GRID2: variants seen among roughly 807,000 people sequenced by gnomAD.
GRID2 encodes glutamate ionotropic receptor delta type subunit 2.
In GRID2, 33 loss-of-function variants were observed where a neutral mutation model predicts 114.8. The observed-to-expected ratio is 0.29, with a 90% confidence interval of 0.22 to 0.38. The LOEUF is 0.38. GRID2 is among the 10% of genes least tolerant of loss of function. GRID2 has a pLI of 1.00. For missense variants in GRID2, 1,184 were observed against 1,257.7 expected, an observed-to-expected ratio of 0.94 and a Z score of 0.89; for synonymous variants, 505 against 449.9, an observed-to-expected ratio of 1.12 and a Z score of -1.55.
intron 1 of GRID2, among the ~76,000 whole-genome samples, chr4:92,326,442 T>C (rs1238909796): frequency 6.6e-6 from 1 of 151,898 alleles, no homozygotes; most frequent in Non-Finnish European, 1.5e-5. Flanking sequence ...GCCACTATCA[T>C]GAATGTAATA....
intron 1 of GRID2, among the ~76,000 whole-genome samples, chr4:93,792,978 A>G (rs1734725211): frequency 6.6e-6 from 1 of 152,218 alleles, no homozygotes; most frequent in Admixed American, 6.5e-5. Context: ...AAACTGTGAA[A>G]CAATGTACAT....
intron 4 of GRID2, among the ~76,000 whole-genome samples, chr4:93,155,065 G>T (rs1331940303): frequency 6.6e-6 from 1 of 151,876 alleles, no homozygotes; most frequent in Non-Finnish European, 1.5e-5. Context: ...TGGTCTAGTG[G>T]TTAGGATTCG....
At chr4:93,664,743 C>T (rs1371358) in intron 14 of GRID2, among the ~76,000 whole-genome samples, 2 of 151,962 alleles carry the variant, frequency 1.3e-5, no homozygotes, top group Non-Finnish European at 2.9e-5. Context: ...TTTGCTTTGC[C>T]GTTTATTAGC....
intron 14 of GRID2, among the ~76,000 whole-genome samples, chr4:93,737,698 G>A (rs945880890): frequency 3.9e-5 from 6 of 151,924 alleles, no homozygotes; most frequent in Admixed American, 6.6e-5. Flanking sequence ...CCCTCATATC[G>A]AAAGATTCCA....
At chr4:92,826,125 T>C (rs1351803946) in intron 2 of GRID2, among the ~76,000 whole-genome samples, 1 of 152,124 alleles carries the variant, frequency 6.6e-6, no homozygotes, top group Non-Finnish European at 1.5e-5. Context: ...AGAAATCCTA[T>C]GTAATCTGCC....
intron 14 of GRID2, among the ~76,000 whole-genome samples, chr4:93,689,634 T>C (rs536649617): frequency 6.6e-6 from 1 of 151,752 alleles, no homozygotes; most frequent in Non-Finnish European, 1.5e-5. Flanking sequence ...CAAAAAAAAA[T>C]TACCCTATGT....
At chr4:93,442,539 C>A (rs189953272) in intron 10 of GRID2, among the ~76,000 whole-genome samples, 17 of 151,994 alleles carry the variant, frequency 1.1e-4, no homozygotes, top group African/African-American at 4.1e-4. Flanking sequence ...TTGGAGAATA[C>A]ATAAAGTATA....
At chr4:93,703,764 A>T (rs868582890) in intron 14 of GRID2, among the ~76,000 whole-genome samples, 92 of 150,156 alleles carry the variant, frequency 6.1e-4, no homozygotes, top group Middle Eastern at 3.5e-3. Context: ...TTTGTCCTTG[A>T]GATAGTTTGC....
At chr4:92,632,108 A>C (rs1440515551) in intron 2 of GRID2, among the ~76,000 whole-genome samples, 2 of 152,154 alleles carry the variant, frequency 1.3e-5, no homozygotes. Context: ...ACTATTTCAA[A>C]GGTCATTTAA....
chr4:93,326,672 G>A (rs1447088786), intron 8 of GRID2, among the ~76,000 whole-genome samples: 1 of 151,572 alleles, frequency 6.6e-6, no homozygotes, highest in Non-Finnish European at 1.5e-5. Flanking sequence ...TCTATTGTTT[G>A]TATTACACCT....
intron 13 of GRID2, among the ~76,000 whole-genome samples, chr4:93,586,468 A>G (rs1737549502): frequency 6.6e-6 from 1 of 152,152 alleles, no homozygotes; most frequent in African/African-American, 2.4e-5. Flanking sequence ...AGCTTGCCCT[A>G]GCTTTCAGCC....
At chr4:93,393,719 T>C (rs965477254) in intron 8 of GRID2, among the ~76,000 whole-genome samples, 1 of 151,984 alleles carries the variant, frequency 6.6e-6, no homozygotes, top group African/African-American at 2.4e-5. Flanking sequence ...AACAAATGGC[T>C]CAGGTTTCAC....
intron 14 of GRID2, among the ~76,000 whole-genome samples, chr4:93,695,393 G>C (rs1726934385): frequency 6.6e-6 from 1 of 152,150 alleles, no homozygotes; most frequent in Admixed American, 6.5e-5. Context: ...ATGTTAAGAC[G>C]TGTAGAACCA....
chr4:92,418,844 A>G (rs1731750188), intron 1 of GRID2, among the ~76,000 whole-genome samples: 1 of 152,038 alleles, frequency 6.6e-6, no homozygotes, highest in Non-Finnish European at 1.5e-5. Context: ...TCTATAGAGA[A>G]GAGCTTCAAA....
intron 1 of GRID2, among the ~76,000 whole-genome samples, chr4:92,512,931 T>C (rs1724328116): frequency 6.6e-6 from 1 of 151,908 alleles, no homozygotes; most frequent in African/African-American, 2.4e-5. Context: ...CTTAAAGTTT[T>C]AACTTACTTT....
At chr4:92,939,877 G>T (rs1467997114) in intron 2 of GRID2, among the ~76,000 whole-genome samples, 2 of 146,932 alleles carry the variant, frequency 1.4e-5, no homozygotes, top group African/African-American at 4.9e-5. Context: ...GATAGTTGTA[G>T]ATATGCAGCA....
At chr4:92,632,508 C>A (rs980160470) in intron 2 of GRID2, among the ~76,000 whole-genome samples, 8 of 152,044 alleles carry the variant, frequency 5.3e-5, no homozygotes, top group Non-Finnish European at 1.0e-4. Context: ...TGGCACACAC[C>A]TATAATCCCA....
chr4:92,443,690 T>A (rs6811590), intron 1 of GRID2, among the ~76,000 whole-genome samples: 9,685 of 151,596 alleles, frequency 0.064, 417 homozygotes, highest in African/African-American at 0.12. Flanking sequence ...CCGGAAAAGC[T>A]GAGAAGGGGT....
intron 2 of GRID2, among the ~76,000 whole-genome samples, chr4:92,774,207 G>A (rs1217995469): frequency 6.6e-6 from 1 of 152,118 alleles, no homozygotes. Flanking sequence ...GAGTTAGACA[G>A]GAAAAGTAGG....
Sources: allele counts gnomAD v4.1 joint callset (sites outside exome capture counted in the v4.1 genomes callset), GRCh38; gene constraint gnomAD v4.1.1; transcripts MANE v1.5; gene names NCBI Gene and HGNC (gene_info 2026-07-23, HGNC 2026-07-21).